The following RAPGEF4 variants were observed in gnomAD, a reference collection of about 807,000 sequenced individuals.
RAPGEF4 encodes RAP guanine-nucleotide-exchange factor (GEF) 4.
In RAPGEF4, 66 loss-of-function variants were observed where a neutral mutation model predicts 147.9. That is an observed-to-expected ratio of 0.45 (90% confidence interval 0.37 to 0.55). The LOEUF (loss-of-function observed/expected upper bound fraction) is 0.55, where lower values mean the gene tolerates loss of function less well. RAPGEF4 is among the 20% of genes least tolerant of loss of function. RAPGEF4 has a pLI of 0.00. For synonymous variants in RAPGEF4, 419 were observed against 442.7 expected (o/e 0.95, Z 0.67); for missense variants, 1,071 against 1,257.3 (o/e 0.85, Z 2.24).
chr2:172,778,232 C>T (rs188917295), intron 1 of RAPGEF4, among the ~76,000 whole-genome samples: 2 of 152,098 alleles, frequency 1.3e-5, no homozygotes, highest in African/African-American at 2.4e-5. Flanking sequence ...TTGCTAACTT[C>T]TTTGTTCTGT....
rs1287535823 is a variant in RAPGEF4, at chr2:173,051,647, T to C, written c.2916T>C (p.Asp972=). 1 of 1,613,830 alleles carries C rather than the reference T, an allele frequency of 6.2e-7. No homozygotes were observed. The highest frequency in any genetic ancestry group is 8.5e-7 in the Non-Finnish European group (1 of 1,179,786). The stretch of plus-strand genomic sequence containing the variant: ...CCTTTCCTCTTTCAACAGATCCTGA[T>C]GCAGCTCAAGCTAATAAGAACCATC... ...RYYRSQPFNP[D]AAQANKNHQD... The change falls in exon 31 of 31, where the codon GAT becomes GAC. Residue 972 remains aspartate (D), a synonymous_variant. Transcript: ENST00000397081.
chr2:172,799,619 A>G (rs1449991498), intron 3 of RAPGEF4, among the ~76,000 whole-genome samples: 1 of 152,180 alleles, frequency 6.6e-6, no homozygotes, highest in Non-Finnish European at 1.5e-5. Flanking sequence ...GGGCCTACAC[A>G]GGATCATTCT....
chr2:172,892,291 C>T (rs1051472534), intron 4 of RAPGEF4, among the ~76,000 whole-genome samples: 1 of 152,202 alleles, frequency 6.6e-6, no homozygotes. Context: ...GTTTTGGAAT[C>T]AGGTTTTTAC....
At chr2:172,928,150 C>T in intron 6 of RAPGEF4, 1 of 451,932 alleles carries the variant, frequency 2.2e-6, no homozygotes, top group South Asian at 1.6e-5. Context: ...CTAGAAAATA[C>T]CGTGACTTCA....
At chr2:172,778,195 C>A (rs565918192) in intron 1 of RAPGEF4, among the ~76,000 whole-genome samples, 7 of 152,276 alleles carry the variant, frequency 4.6e-5, no homozygotes, top group Non-Finnish European at 1.0e-4. Context: ...TCCTTGGCTC[C>A]TGGGTCAAAG....
At chr2:173,049,829 C>T (rs182736898) in intron 30 of RAPGEF4, among the ~76,000 whole-genome samples, 9 of 152,216 alleles carry the variant, frequency 5.9e-5, no homozygotes, top group African/African-American at 1.7e-4. Flanking sequence ...TATTAATTTA[C>T]GTTGTGTTTA....
chr2:172,884,405 CT>C (rs1319488689), intron 4 of RAPGEF4, among the ~76,000 whole-genome samples: 1 of 152,210 alleles, frequency 6.6e-6, no homozygotes, highest in Non-Finnish European at 1.5e-5. Flanking sequence ...GCCTCTATCC[CT>C]GTTTGGACTA....
Position 172,889,742 on chromosome 2 carries a change from A to G in RAPGEF4, c.445-28060A>G, listed in dbSNP as rs896334526. On this transcript the variant is annotated intron_variant, in intron 4 of 30. Coordinates refer to ENST00000397081, the MANE Select transcript of RAPGEF4 (RefSeq NM_007023.4). Reference sequence around the variant, plus strand: ...CACTAATCTGATTTGTTACTTTCAAATGTCAATCAGCAAGGAAAATTTTAA... The same window carrying G: ...CACTAATCTGATTTGTTACTTTCAAGTGTCAATCAGCAAGGAAAATTTTAA... 7 of 739,300 alleles carry G rather than the reference A, an allele frequency of 9.5e-6. No individual in the cohort carries two copies. In the African/African-American group the frequency reaches 1.2e-4, roughly 12 times the overall value. 45.8% of individuals were successfully genotyped at this position (739,300 alleles called of 1,614,324 possible).
At chr2:172,736,519 GCTGTCGAATCC>G (rs962205302) in intron 1 of RAPGEF4, among the ~76,000 whole-genome samples, 6 of 152,198 alleles carry the variant, frequency 3.9e-5, no homozygotes, top group African/African-American at 1.4e-4. Context: ...ACCCGGTGGA[GCTGTCGAATCC>G]CTTGCTGAAA....
chr2:172,955,215 C>A (rs142888686), intron 6 of RAPGEF4, among the ~76,000 whole-genome samples: 32 of 152,302 alleles, frequency 2.1e-4, no homozygotes, highest in Admixed American at 9.1e-4. Flanking sequence ...TGCCTTATAC[C>A]TCATTATAAT....
intron 5 of RAPGEF4, among the ~76,000 whole-genome samples, chr2:172,919,113 G>A (rs1575237012): frequency 6.6e-6 from 1 of 152,160 alleles, no homozygotes; most frequent in African/African-American, 2.4e-5. Context: ...CTGAGCCAGG[G>A]ATGGCTGGCT....
At chr2:173,040,882 ATATT>A (rs2106039448) in intron 29 of RAPGEF4, among the ~76,000 whole-genome samples, 1 of 152,312 alleles carries the variant, frequency 6.6e-6, no homozygotes, top group South Asian at 2.1e-4. Flanking sequence ...GCATACATGA[ATATT>A]TATAACATTT....
intron 6 of RAPGEF4, among the ~76,000 whole-genome samples, chr2:172,924,126 C>T (rs1685033559): frequency 6.6e-6 from 1 of 152,188 alleles, no homozygotes; most frequent in African/African-American, 2.4e-5. Flanking sequence ...ATAAAGAAGA[C>T]AGAAAGGCCT....
At chr2:172,771,068 A>ATAATAAATTATTTAAATAATTTATTT (rs1452746059) in intron 1 of RAPGEF4, among the ~76,000 whole-genome samples, 2 of 152,160 alleles carry the variant, frequency 1.3e-5, no homozygotes, top group East Asian at 1.9e-4. Context: ...TCATTTATAA[A>ATAATAAATTATTTAAATAATTTATTT]TAATAAATTA....
intron 6 of RAPGEF4, among the ~76,000 whole-genome samples, chr2:172,953,045 G>A (rs1293291376): frequency 6.6e-6 from 1 of 151,924 alleles, no homozygotes; most frequent in Non-Finnish European, 1.5e-5. Flanking sequence ...TCCTTCGTCC[G>A]GTTTTACAGA....
chr2:172,882,493 T>A (rs1213429043), intron 4 of RAPGEF4, among the ~76,000 whole-genome samples: 2 of 152,308 alleles, frequency 1.3e-5, no homozygotes, highest in South Asian at 4.1e-4. Flanking sequence ...AAGCTGAATT[T>A]AAACCACAAA....
intron 1 of RAPGEF4, among the ~76,000 whole-genome samples, chr2:172,768,175 G>A (rs999159108): frequency 6.6e-6 from 1 of 152,262 alleles, no homozygotes; most frequent in Admixed American, 6.5e-5. Flanking sequence ...TGCTTGTGCA[G>A]ACAGTTCCCA....
chr2:172,977,896 A>G (rs1157072742), intron 10 of RAPGEF4, among the ~76,000 whole-genome samples: 1 of 152,182 alleles, frequency 6.6e-6, no homozygotes, highest in African/African-American at 2.4e-5. Flanking sequence ...GCCTGGGTGG[A>G]TTGCCAAATG....
intron 1 of RAPGEF4, among the ~76,000 whole-genome samples, chr2:172,791,216 CAGA>C (rs1685790687): frequency 1.3e-5 from 2 of 152,176 alleles, no homozygotes; most frequent in South Asian, 4.1e-4. Context: ...GACCAAATAG[CAGA>C]AGGAGTAGGC....
Sources: gnomAD v4.1 joint callset for allele counts (sites outside exome capture counted in the v4.1 genomes callset) on GRCh38, gnomAD v4.1.1 for gene constraint, MANE v1.5 for transcripts, NCBI Gene and HGNC (gene_info 2026-07-23, HGNC 2026-07-21) for gene names.